Variants in NGF observed in about 807,000 individuals in gnomAD.
NGF encodes the protein nerve growth factor.
A neutral mutation model predicts 12.8 loss-of-function variants in NGF; 4 were observed. The observed-to-expected ratio is 0.31, with a 90% CI of 0.15 to 0.72. The LOEUF (loss-of-function observed/expected upper bound fraction) is 0.72, where lower values mean the gene tolerates loss of function less well. NGF is among the 30% of genes least tolerant of loss of function. The probability of loss-of-function intolerance (pLI) is 0.69; values close to 1 mark genes in which losing one functional copy is unlikely to be tolerated. For missense variants in NGF, 283 were observed against 330.8 expected (o/e 0.86, Z 1.12); for synonymous variants, 140 against 130.0 (o/e 1.08, Z -0.52).
At chr1:115,289,630 T>A (rs962320734) in intron 2 of NGF, among the ~76,000 whole-genome samples, 59 of 152,324 alleles carry the variant, frequency 3.9e-4, no homozygotes, top group African/African-American at 1.3e-3. Context: ...ATACTCATAA[T>A]CATAATTAGG....
intron 1 of NGF, among the ~76,000 whole-genome samples, chr1:115,333,499 TAAAAAAA>T (rs34024301): frequency 1.3e-5 from 1 of 76,594 alleles, no homozygotes. Context: ...ATAGTACTAC[TAAAAAAA>T]AAAAAAAAAA....
intron 1 of NGF, among the ~76,000 whole-genome samples, chr1:115,304,949 T>G (rs774663925): frequency 6.6e-6 from 1 of 152,130 alleles, no homozygotes; most frequent in Non-Finnish European, 1.5e-5. Context: ...ATTGTGAGTT[T>G]GAGTTTGGGT....
At chr1:115,299,966 C>T (rs1183605748) in intron 1 of NGF, among the ~76,000 whole-genome samples, 2 of 152,170 alleles carry the variant, frequency 1.3e-5, no homozygotes, top group African/African-American at 4.8e-5. Context: ...ATAACAGCAC[C>T]TATGGAGTCT....
At chr1:115,302,157 C>T (rs1654056132) in intron 1 of NGF, among the ~76,000 whole-genome samples, 1 of 152,206 alleles carries the variant, frequency 6.6e-6, no homozygotes, top group South Asian at 2.1e-4. Context: ...TCATGTTATA[C>T]TGGGAAATAA....
chr1:115,302,344 T>C (rs1654061764), intron 1 of NGF, among the ~76,000 whole-genome samples: 1 of 152,160 alleles, frequency 6.6e-6, no homozygotes, highest in African/African-American at 2.4e-5. Context: ...AAAGTGTACA[T>C]AGGTGTTGTG....
Position 115,286,629 on chromosome 1 carries a change from GCCGGGGC to G in NGF, c.160_166del (p.Ala54GlnfsTer4), listed in dbSNP as rs768548505. On this transcript the variant is annotated frameshift_variant, in exon 3 of 3. Coordinates refer to ENST00000369512, the MANE Select transcript of NGF (RefSeq NM_002506.3). LOFTEE classifies it high-confidence loss of function. The stretch of plus-strand genomic sequence containing the variant: ...CGCCACGCGTGCAGCTATCGCCGCT[GCCGGGGC>G]GCTGCGGGCTCTGCGAAGGGCAGTG... 6.2e-7 allele frequency: 1 copy of G among 1,614,226 alleles called. No individual in the cohort carries two copies.
rs149823633 is a variant in NGF, at chr1:115,286,351, C to A, written c.445G>T (p.Ala149Ser). ...VSVWVGDKTTATDIKGKEVMV... is the reference protein window; with the variant it reads ...VSVWVGDKTTSTDIKGKEVMV... ...ACCTCCTTGCCCTTGATGTCTGTGG[C>A]GGTGGTCTTATCCCCAACCCACACG... Residue 149 changes from alanine to serine, a missense_variant, in exon 3 of 3, where the codon GCC becomes TCC. Ala to Ser is a moderately conservative substitution (Grantham distance 99). Coordinates refer to ENST00000369512, the MANE Select transcript of NGF (RefSeq NM_002506.3). 6.2e-7 allele frequency: 1 copy of A among 1,614,140 alleles called. No individual in the cohort carries two copies. The highest frequency in any genetic ancestry group is 8.5e-7 in the Non-Finnish European group (1 of 1,180,032).
Position 115,329,061 on chromosome 1 carries a change from AG to A in NGF, c.-137+9142del, listed in dbSNP as rs149879479. Among the ~76,000 whole-genome samples, 401 of 152,120 alleles carry A rather than the reference AG, an allele frequency of 2.6e-3. 2 individuals carry two copies. Among genetic ancestry groups the A allele is most frequent in the African/African-American group, 8.9e-3 (368 of 41,478 alleles). ...AAGAGGGAAGAGGAAGAGGTAGAAG[AG>A]GAAAAGAAGAGGAGAAGGAAGTAGA... On this transcript the variant is annotated intron_variant, in intron 1 of 2. Transcript: ENST00000369512.
At chr1:115,304,522 G>A (rs1571082139) in intron 1 of NGF, among the ~76,000 whole-genome samples, 1 of 151,834 alleles carries the variant, frequency 6.6e-6, no homozygotes, top group South Asian at 2.1e-4. Flanking sequence ...CCTCCAAAAT[G>A]AGGCAGGCTC....
chr1:115,311,179 A>G (rs1038533287), intron 1 of NGF, among the ~76,000 whole-genome samples: 1 of 152,158 alleles, frequency 6.6e-6, no homozygotes. Context: ...AATCCACAAA[A>G]CTGAAAATTC....
intron 1 of NGF, among the ~76,000 whole-genome samples, chr1:115,294,605 G>A (rs1653806308): frequency 6.6e-6 from 1 of 152,206 alleles, no homozygotes; most frequent in Non-Finnish European, 1.5e-5. Context: ...GGCAATTACA[G>A]GGTCTGATGA....
At chr1:115,293,432 T>G (rs1653765918) in intron 2 of NGF, among the ~76,000 whole-genome samples, 195 bp downstream of exon 2, 1 of 152,228 alleles carries the variant, frequency 6.6e-6, no homozygotes, top group Non-Finnish European at 1.5e-5. Flanking sequence ...GGGGCCAACC[T>G]GCATGCACAA....
intron 2 of NGF, 37 bp from the exon 3 acceptor site, chr1:115,286,844 T>A: frequency 3.7e-6 from 6 of 1,612,850 alleles, no homozygotes; most frequent in Non-Finnish European, 5.1e-6. Flanking sequence ...CTTCATGGAG[T>A]ACTAAATGCA....
chr1:115,306,977 G>T (rs536180930), intron 1 of NGF, among the ~76,000 whole-genome samples: 68 of 152,336 alleles, frequency 4.5e-4, no homozygotes, highest in African/African-American at 1.6e-3. Context: ...CCTGATGCTG[G>T]ATCTGCTGAT....
At chr1:115,314,486 C>T (rs1654419588) in intron 1 of NGF, among the ~76,000 whole-genome samples, 1 of 152,176 alleles carries the variant, frequency 6.6e-6, no homozygotes, top group Non-Finnish European at 1.5e-5. Flanking sequence ...ATGATATGAA[C>T]TGGATTTAAG....
At chr1:115,333,327 T>C (rs1262506502) in intron 1 of NGF, among the ~76,000 whole-genome samples, 1 of 152,110 alleles carries the variant, frequency 6.6e-6, no homozygotes, top group African/African-American at 2.4e-5. Context: ...GTGTGAAACT[T>C]GGGTGGTTCA....
In NGF at chr1:115,330,062, G is replaced by A. The variant is rs1654877188; in HGVS notation, c.-137+8142C>T. On this transcript the variant is annotated intron_variant, in intron 1 of 2. Coordinates refer to ENST00000369512, the MANE Select transcript of NGF (RefSeq NM_002506.3). ...GGGCCACACACCCGGCCTTCAACTTGTAAAAACATTTTCTGTTCTCTGCTC... is the reference window on the plus strand; with the variant it reads ...GGGCCACACACCCGGCCTTCAACTTATAAAAACATTTTCTGTTCTCTGCTC... Among the ~76,000 whole-genome samples the A allele has an allele frequency of 2.0e-5, 3 of 152,146 alleles. No individual in the cohort carries two copies. In the South Asian group the frequency reaches 6.2e-4, roughly 32 times the overall value.
chr1:115,306,737 A>T (rs557347423), intron 1 of NGF, among the ~76,000 whole-genome samples: 1 of 152,236 alleles, frequency 6.6e-6, no homozygotes, highest in Non-Finnish European at 1.5e-5. Context: ...TTTAAAAGAG[A>T]TAAAGCCACC....
intron 1 of NGF, among the ~76,000 whole-genome samples, chr1:115,314,439 GA>G (rs1250515713): frequency 6.6e-6 from 1 of 152,188 alleles, no homozygotes; most frequent in Admixed American, 6.5e-5. Context: ...CTATCTCTCA[GA>G]AAAATTAACA....
Sources: gnomAD v4.1 joint callset for allele counts (sites outside exome capture counted in the v4.1 genomes callset) on GRCh38, gnomAD v4.1.1 for gene constraint, MANE v1.5 for transcripts, NCBI Gene and HGNC (gene_info 2026-07-23, HGNC 2026-07-21) for gene names.